The following CPQ variants were observed in gnomAD, a reference collection of about 807,000 sequenced individuals.
CPQ encodes carboxypeptidase Q, also known as Ser-Met dipeptidase.
CPQ carries 37 observed loss-of-function variants against 45.7 expected under a neutral mutation model. The ratio of observed to expected loss-of-function variants is 0.81; its 90% CI spans 0.62 to 1.07. The LOEUF is 1.07. Ranked by LOEUF, CPQ falls within the 50% of genes least tolerant of loss-of-function variation. The pLI, the probability that CPQ is intolerant of heterozygous loss-of-function variation, is 0.00. For synonymous variants in CPQ, 186 were observed against 205.8 expected (o/e 0.90, Z 0.82); for missense variants, 537 against 572.9 (o/e 0.94, Z 0.64).
rs189230903 is a variant in CPQ, at chr8:96,929,963, G to A, written c.850-35972G>A. Among the ~76,000 whole-genome samples the A allele has an allele frequency of 5.6e-3, 847 of 152,188 alleles. 6 individuals carry two copies. The highest frequency in any genetic ancestry group is 0.01 in the Non-Finnish European group (697 of 68,004). On this transcript the variant is annotated intron_variant, in intron 4 of 7. Coordinates refer to ENST00000220763, the MANE Select transcript of CPQ (RefSeq NM_016134.4). ...TCAAAGCTTGGGTGAGGTATAATAA[G>A]AAAGAACCCCAGCTGGAGCAGTGAA...
chr8:96,675,864 CCTTTT>C (rs1233766125), intron 1 of CPQ, among the ~76,000 whole-genome samples: 4 of 152,012 alleles, frequency 2.6e-5, no homozygotes, highest in South Asian at 2.1e-4. Context: ...TATTATTGAT[CCTTTT>C]CTTATTGATA....
At chr8:97,099,553 T>G (rs1275399879) in intron 7 of CPQ, among the ~76,000 whole-genome samples, 3 of 151,860 alleles carry the variant, frequency 2.0e-5, no homozygotes, top group South Asian at 2.1e-4. Context: ...TATGTGTGTT[T>G]TTTTTTTTTC....
At chr8:96,652,027 A>G (rs968067891) in intron 1 of CPQ, among the ~76,000 whole-genome samples, 1 of 152,194 alleles carries the variant, frequency 6.6e-6, no homozygotes, top group Non-Finnish European at 1.5e-5. Flanking sequence ...AATATACAAC[A>G]CAGTATAATT....
intron 3 of CPQ, among the ~76,000 whole-genome samples, chr8:96,862,601 G>A (rs1811940565): frequency 6.6e-6 from 1 of 152,022 alleles, no homozygotes; most frequent in Non-Finnish European, 1.5e-5. Context: ...GAATTGCAGT[G>A]CTGATTCTAG....
At chr8:96,791,252 A>G (rs578180175) in intron 2 of CPQ, among the ~76,000 whole-genome samples, 69 of 152,320 alleles carry the variant, frequency 4.5e-4, no homozygotes, top group African/African-American at 1.5e-3. Flanking sequence ...ATTGCCTCAC[A>G]TACAAATATT....
chr8:96,988,416 A>G (rs886318048), intron 5 of CPQ, among the ~76,000 whole-genome samples: 10 of 152,156 alleles, frequency 6.6e-5, no homozygotes, highest in African/African-American at 2.4e-4. Context: ...TTCTTTCTGT[A>G]TATTTCAGAC....
chr8:97,029,514 T>C lies in CPQ; in HGVS notation c.1053+20T>C, dbSNP rs1209808771. ...CACAAGGTAAAAACCCAGCTGTGGA[T>C]TGCTAAGCATTTGTACATGTAATAT... On this transcript the variant is annotated intron_variant, in intron 6 of 7. Coordinates refer to ENST00000220763, the MANE Select transcript of CPQ (RefSeq NM_016134.4). The C allele has an allele frequency of 6.3e-7, 1 of 1,576,336 alleles. No homozygotes were observed. Among genetic ancestry groups the C allele is most frequent in the African/African-American group, 1.3e-5 (1 of 74,310 alleles).
chr8:96,768,422 G>A (rs954077120), intron 1 of CPQ, among the ~76,000 whole-genome samples: 1 of 152,108 alleles, frequency 6.6e-6, no homozygotes, highest in African/African-American at 2.4e-5. Context: ...CAGATGCTCT[G>A]TGTTCGTATT....
At chr8:97,106,912 C>T (rs544559934) in intron 7 of CPQ, among the ~76,000 whole-genome samples, 77 of 152,238 alleles carry the variant, frequency 5.1e-4, no homozygotes, top group African/African-American at 1.7e-3. Context: ...GAGTGATTCT[C>T]GTGTCACATG....
At chr8:96,750,839 A>G (rs1471418120) in intron 1 of CPQ, among the ~76,000 whole-genome samples, 1 of 152,002 alleles carries the variant, frequency 6.6e-6, no homozygotes, top group African/African-American at 2.4e-5. Context: ...CAGTGTGTCC[A>G]TGTGCTCTCA....
At chr8:96,785,434 C>A in intron 2 of CPQ, 104 bp downstream of exon 2, 3 of 1,014,222 alleles carry the variant, frequency 3.0e-6, no homozygotes, top group Non-Finnish European at 4.2e-6. Context: ...GGATAATTTC[C>A]TATTCCATTG....
chr8:96,660,557 A>G, intron 1 of CPQ, among the ~76,000 whole-genome samples: 1 of 152,160 alleles, frequency 6.6e-6, no homozygotes, highest in East Asian at 1.9e-4. Context: ...AAGATTTAGA[A>G]AATACTGATT....
At chr8:96,834,876 G>T in intron 2 of CPQ, 97 bp from the exon 3 acceptor site, 1 of 1,035,000 alleles carries the variant, frequency 9.7e-7, no homozygotes, top group Non-Finnish European at 1.4e-6. Flanking sequence ...CAGTTTGCCA[G>T]ATGTAGCAGA....
chr8:97,126,455 G>A (rs1282293813), intron 7 of CPQ, among the ~76,000 whole-genome samples: 1 of 152,186 alleles, frequency 6.6e-6, no homozygotes, highest in Non-Finnish European at 1.5e-5. Context: ...AGCTGTATTT[G>A]TTTGGGTTTT....
chr8:96,971,496 T>C (rs897684032), intron 5 of CPQ, among the ~76,000 whole-genome samples: 1 of 152,214 alleles, frequency 6.6e-6, no homozygotes, highest in Non-Finnish European at 1.5e-5. Context: ...CTAGAAGGAA[T>C]TTTTATTTTA....
At chr8:96,815,975 T>G (rs900372241) in intron 2 of CPQ, among the ~76,000 whole-genome samples, 10 of 152,184 alleles carry the variant, frequency 6.6e-5, no homozygotes, top group Non-Finnish European at 1.3e-4. Flanking sequence ...CTTGCCTTGA[T>G]GTTGACGGCT....
chr8:96,738,018 G>C (rs1444730518), intron 1 of CPQ, among the ~76,000 whole-genome samples: 1 of 152,006 alleles, frequency 6.6e-6, no homozygotes, highest in Non-Finnish European at 1.5e-5. Context: ...ATTTTCTAAT[G>C]TGTAATTTTG....
intron 5 of CPQ, among the ~76,000 whole-genome samples, chr8:96,968,046 G>A (rs570703350): frequency 2.2e-5 from 3 of 137,438 alleles, no homozygotes; most frequent in African/African-American, 7.4e-5. Context: ...TTTAATATAA[G>A]AGAAGATGAT....
At chr8:97,020,148 A>C (rs984338595) in intron 5 of CPQ, among the ~76,000 whole-genome samples, 5 of 152,198 alleles carry the variant, frequency 3.3e-5, no homozygotes, top group Admixed American at 2.0e-4. Context: ...AATTGAAATC[A>C]AGATGAAAAT....
Sources: gnomAD v4.1 joint callset for allele counts (sites outside exome capture counted in the v4.1 genomes callset) on GRCh38, gnomAD v4.1.1 for gene constraint, MANE v1.5 for transcripts, NCBI Gene and HGNC (gene_info 2026-07-23, HGNC 2026-07-21) for gene names.